The following CCNY variants were observed in gnomAD, a reference collection of about 807,000 sequenced individuals.
The protein encoded by CCNY is cyclin Y.
CCNY carries 19 observed loss-of-function variants against 42.8 expected under a neutral mutation model. That is an observed-to-expected ratio of 0.44 (90% CI 0.31 to 0.65). The LOEUF is 0.65. Among genes scored for constraint, CCNY ranks in the 30% least tolerant of loss-of-function variants. CCNY has a pLI of 0.07. For synonymous variants in CCNY, 165 were observed against 162.7 expected, an observed-to-expected ratio of 1.01 and a Z score of -0.11; for missense variants, 370 against 437.3, an observed-to-expected ratio of 0.85 and a Z score of 1.37.
intron 1 of CCNY, among the ~76,000 whole-genome samples, chr10:35,403,357 G>T (rs1055340057): frequency 5.9e-5 from 9 of 152,184 alleles, no homozygotes; most frequent in African/African-American, 2.2e-4. Flanking sequence ...AGAACCATTT[G>T]CCTTGTGTGG....
At chr10:35,366,275 T>C (rs1266338419) in intron 1 of CCNY, among the ~76,000 whole-genome samples, 1 of 152,250 alleles carries the variant, frequency 6.6e-6, no homozygotes, top group Non-Finnish European at 1.5e-5. Context: ...TAGATTCTTT[T>C]ATTTTGGAAA....
At chr10:35,407,832 T>A (rs887865694) in intron 1 of CCNY, among the ~76,000 whole-genome samples, 3 of 151,980 alleles carry the variant, frequency 2.0e-5, no homozygotes, top group Non-Finnish European at 2.9e-5. Context: ...GCACTTGACT[T>A]GCCACCAAGG....
At chr10:35,547,424 G>A (rs1210542531) in intron 7 of CCNY, among the ~76,000 whole-genome samples, 1 of 152,010 alleles carries the variant, frequency 6.6e-6, no homozygotes, top group Non-Finnish European at 1.5e-5. Context: ...TTACAATGCC[G>A]TGCTTCATGA....
chr10:35,503,219 C>G (rs933913519), intron 3 of CCNY, among the ~76,000 whole-genome samples: 1 of 152,184 alleles, frequency 6.6e-6, no homozygotes, highest in African/African-American at 2.4e-5. Flanking sequence ...CATGCATTCT[C>G]ATGCACAGTA....
At chr10:35,362,489 G>C (rs1836707473) in intron 1 of CCNY, among the ~76,000 whole-genome samples, 1 of 152,218 alleles carries the variant, frequency 6.6e-6, no homozygotes. Context: ...CTTAAAGACA[G>C]GGAGGATAGT....
chr10:35,465,088 C>G (rs540214295), intron 1 of CCNY, among the ~76,000 whole-genome samples: 2 of 152,130 alleles, frequency 1.3e-5, no homozygotes, highest in Non-Finnish European at 2.9e-5. Context: ...AATGGTTGGT[C>G]CTTGCCAGTT....
At chr10:35,311,196 T>G (rs1437100895) in intron 3 of CCNY, among the ~76,000 whole-genome samples, 1 of 152,036 alleles carries the variant, frequency 6.6e-6, no homozygotes, top group Non-Finnish European at 1.5e-5. Context: ...TGCATTCCTG[T>G]AGTCCCAGCT....
chr10:35,515,700 C>G (rs1189435886), intron 3 of CCNY, among the ~76,000 whole-genome samples: 1 of 152,182 alleles, frequency 6.6e-6, no homozygotes, highest in African/African-American at 2.4e-5. Context: ...TGCTTTTGAT[C>G]AGGAACTATC....
chr10:35,312,344 GCACTC>G (rs1835695854), intron 3 of CCNY, among the ~76,000 whole-genome samples: 1 of 129,986 alleles, frequency 7.7e-6, no homozygotes, highest in Non-Finnish European at 1.5e-5. Context: ...TTGCGCCACT[GCACTC>G]CAGCCTGGGC....
chr10:35,320,191 C>T (rs921763486), intron 3 of CCNY, among the ~76,000 whole-genome samples: 1 of 146,242 alleles, frequency 6.8e-6, no homozygotes, highest in Non-Finnish European at 1.5e-5. Flanking sequence ...TACAGTATAC[C>T]TCACTGAATA....
At chr10:35,406,205 A>ATTTTATTTTAT (rs1184068283) in intron 1 of CCNY, among the ~76,000 whole-genome samples, 1 of 104,438 alleles carries the variant, frequency 9.6e-6, no homozygotes, top group African/African-American at 4.4e-5. Context: ...TTTTTATTTT[A>ATTTTATTTTAT]TTTATTTATT....
At chr10:35,543,416 T>C (rs1679967255) in intron 7 of CCNY, among the ~76,000 whole-genome samples, 1 of 152,210 alleles carries the variant, frequency 6.6e-6, no homozygotes, top group South Asian at 2.1e-4. Flanking sequence ...TGCCACATAA[T>C]GGTGTTTCAG....
At chr10:35,451,287 C>A (rs1281068505) in intron 1 of CCNY, among the ~76,000 whole-genome samples, 4 of 152,192 alleles carry the variant, frequency 2.6e-5, no homozygotes, top group African/African-American at 9.7e-5. Context: ...GGGATTTGCA[C>A]CGTCATGGAC....
intron 3 of CCNY, among the ~76,000 whole-genome samples, chr10:35,329,565 T>C (rs1835917731): frequency 6.6e-6 from 1 of 152,210 alleles, no homozygotes; most frequent in South Asian, 2.1e-4. Flanking sequence ...ATGGAAAATA[T>C]TTATTTATTC....
At chr10:35,424,994 G>T (rs1838235766) in intron 1 of CCNY, among the ~76,000 whole-genome samples, 1 of 152,268 alleles carries the variant, frequency 6.6e-6, no homozygotes, top group African/African-American at 2.4e-5. Flanking sequence ...TCCCACCCCG[G>T]TACAATGGCT....
At chr10:35,303,609 C>A (rs1016931151) in intron 3 of CCNY, among the ~76,000 whole-genome samples, 6 of 150,750 alleles carry the variant, frequency 4.0e-5, no homozygotes, top group Admixed American at 4.0e-4. Flanking sequence ...GAAACCCCAT[C>A]TCTACTAAAA....
chr10:35,278,285 G>T (rs1377409175), intron 3 of CCNY, among the ~76,000 whole-genome samples: 1 of 152,094 alleles, frequency 6.6e-6, no homozygotes, highest in Non-Finnish European at 1.5e-5. Flanking sequence ...TGAGGATGCC[G>T]TGGGCCTGAC....
chr10:35,466,291 G>A (rs1241607276), intron 1 of CCNY, among the ~76,000 whole-genome samples: 1 of 152,116 alleles, frequency 6.6e-6, no homozygotes, highest in Non-Finnish European at 1.5e-5. Context: ...TGAGGTGAGA[G>A]CCAGTGGCTT....
chr10:35,499,522 A>G lies in CCNY; in HGVS notation c.230-1979A>G, dbSNP rs181929835. ...CTTGGTCGGACTTATAGTCAGAACT[A>G]TTGAAGGTTATGCATCTCAGCCATT... On this transcript the variant is annotated intron_variant, in intron 2 of 9. Coordinates refer to ENST00000374704, the MANE Select transcript of CCNY (RefSeq NM_145012.6). Among the ~76,000 whole-genome samples the G allele has an allele frequency of 1.2e-4, 19 of 152,346 alleles. No homozygotes were observed. The East Asian group carries it at 1.3e-3, about 11-fold the overall frequency.
Sources: allele counts gnomAD v4.1 joint callset (sites outside exome capture counted in the v4.1 genomes callset), GRCh38; gene constraint gnomAD v4.1.1; transcripts MANE v1.5; gene names NCBI Gene and HGNC (gene_info 2026-07-23, HGNC 2026-07-21).